Variants in ERBIN observed in about 807,000 individuals in gnomAD.
ERBIN encodes the protein densin-180-like protein.
Under a neutral mutation model 158.4 loss-of-function variants are expected in ERBIN, and 60 were observed. That is an observed-to-expected ratio of 0.38 (90% CI 0.31 to 0.47). The LOEUF is 0.47. Among genes scored for constraint, ERBIN ranks in the 20% least tolerant of loss-of-function variants. The pLI is 0.99. For synonymous variants in ERBIN, 594 were observed against 557.2 expected, an observed-to-expected ratio of 1.07 and a Z score of -0.93; for missense variants, 1,610 against 1,648.0, an observed-to-expected ratio of 0.98 and a Z score of 0.40.
chr5:65,992,633 G>A, intron 2 of ERBIN, 77 bp from the exon 3 acceptor site: 1 of 1,077,714 alleles, frequency 9.3e-7, no homozygotes, highest in Non-Finnish European at 1.3e-6. Flanking sequence ...TATGAATTGT[G>A]ATAGATTGGA....
intron 4 of ERBIN, 142 bp downstream of exon 4, chr5:65,995,006 G>A: frequency 1.7e-6 from 1 of 592,994 alleles, no homozygotes; most frequent in Non-Finnish European, 2.9e-6. Flanking sequence ...AATGTTTTAT[G>A]TAAAGATAGT....
At chr5:66,046,289 C>A (rs1758431712) in intron 17 of ERBIN, 64 bp from the exon 18 acceptor site, 1 of 1,008,822 alleles carries the variant, frequency 9.9e-7, no homozygotes, top group Non-Finnish European at 1.4e-6. Flanking sequence ...AAATTTTTAT[C>A]TGAACTTTTA....
At chr5:66,033,061 C>G (rs941531962) in intron 14 of ERBIN, among the ~76,000 whole-genome samples, 2 of 152,158 alleles carry the variant, frequency 1.3e-5, no homozygotes, top group African/African-American at 4.8e-5. Flanking sequence ...ACTTCATTTT[C>G]TTCTGTATGG....
intron 2 of ERBIN, among the ~76,000 whole-genome samples, chr5:65,989,537 A>C (rs1221659130): frequency 6.6e-6 from 1 of 152,180 alleles, no homozygotes; most frequent in Non-Finnish European, 1.5e-5. Flanking sequence ...CCTTTCAGAG[A>C]AGTTCTGCAA....
chr5:66,064,332 G>A (rs1760771955), intron 21 of ERBIN, among the ~76,000 whole-genome samples: 2 of 152,188 alleles, frequency 1.3e-5, no homozygotes, highest in Non-Finnish European at 2.9e-5. Context: ...ATGAATATTA[G>A]AAAGTCATAA....
chr5:66,054,427 C>A lies in ERBIN; in HGVS notation c.3109C>A (p.Arg1037=). Residue 1037 remains arginine, a synonymous_variant, in exon 21 of 26, where the codon CGA becomes AGA. Transcript: ENST00000284037. ...GAATTTCTCTAATCATAACAATGTT[C>A]GAGCTAATACTGCATACCATTTACA... The part of the protein sequence containing the change: ...NMNFSNHNNV[R]ANTAYHLHQR... The A allele has an allele frequency of 6.2e-7, 1 of 1,614,134 alleles. No homozygotes were observed. The highest frequency in any genetic ancestry group is 1.1e-5 in the South Asian group (1 of 91,052).
At position 66,026,483 on chromosome 5, in the gene ERBIN, A is replaced by G. The variant is rs565758180; in HGVS notation, c.1136+66A>G. On this transcript the variant is annotated intron_variant, in intron 13 of 25. Coordinates refer to ENST00000284037, the MANE Select transcript of ERBIN (RefSeq NM_001253697.2). ...TTGGTTAGATGAAATTAAGTTTCAT[A>G]TGATATATAATAGAATAGCTAGTGC... 60 of 791,952 alleles carry G rather than the reference A, an allele frequency of 7.6e-5. No individual in the cohort carries two copies. The South Asian group carries it at 1.1e-3, about 15-fold the overall frequency. The allele number at this position is 791,952 out of a possible 1,614,324, so 49.1% of individuals were successfully genotyped here.
intron 16 of ERBIN, among the ~76,000 whole-genome samples, 184 bp downstream of exon 16, chr5:66,043,382 C>T (rs1236719392): frequency 2.0e-5 from 3 of 152,016 alleles, no homozygotes; most frequent in African/African-American, 7.2e-5. Context: ...CAATATAAAA[C>T]TATGTGATTT....
At chr5:66,071,560 G>A (rs1211737191) in intron 21 of ERBIN, among the ~76,000 whole-genome samples, 1 of 151,924 alleles carries the variant, frequency 6.6e-6, no homozygotes, top group Non-Finnish European at 1.5e-5. Flanking sequence ...ATATCAATGT[G>A]GCAGAATTAA....
In ERBIN at chr5:66,054,043, AAT is replaced by A. The variant is rs1360167072; in HGVS notation, c.2729_2730del (p.Ile910SerfsTer11). On this transcript the variant is annotated frameshift_variant, in exon 21 of 26. Transcript: ENST00000284037. LOFTEE classifies it high-confidence loss of function. ...VKITSAVDGK[N>X]IVRSKSATLL... is the part of the protein sequence containing the mutation. ...AATCACATCTGCTGTTGATGGAAAA[AAT>A]ATAGTCAGGAGCAAGTCTGCCACAC... The A allele has an allele frequency of 1.2e-6, 2 of 1,614,176 alleles. No homozygotes were observed. The highest frequency in any genetic ancestry group is 1.7e-6 in the Non-Finnish European group (2 of 1,180,030).
intron 1 of ERBIN, among the ~76,000 whole-genome samples, chr5:65,933,927 G>A (rs967045238): frequency 3.3e-5 from 5 of 151,894 alleles, no homozygotes; most frequent in African/African-American, 1.2e-4. Context: ...TTATTTGAGA[G>A]CTCTGTCGCC....
At chr5:66,034,826 A>C (rs1757232123) in intron 14 of ERBIN, among the ~76,000 whole-genome samples, 2 of 152,210 alleles carry the variant, frequency 1.3e-5, no homozygotes, top group South Asian at 4.1e-4. Context: ...TAGTTTTGCC[A>C]AGACAGGTGC....
rs534210335 is a variant in ERBIN, at chr5:66,017,966, G to A, written c.533+3241G>A. Reference sequence around the variant, plus strand: ...GTCTTTTCCCCATTTTATCTTCTTGGCGCCTTTTTCTAGGATGACTTGGCT... The same window carrying A: ...GTCTTTTCCCCATTTTATCTTCTTGACGCCTTTTTCTAGGATGACTTGGCT... On this transcript the variant is annotated intron_variant, in intron 7 of 25. Transcript: ENST00000284037. Among the ~76,000 whole-genome samples the A allele has an allele frequency of 1.2e-4, 18 of 151,874 alleles. No homozygotes were observed. The South Asian group carries it at 3.5e-3, about 30-fold the overall frequency.
Position 66,072,279 on chromosome 5 carries a change from C to G in ERBIN, c.3744C>G (p.Asp1248Glu). ...ATLSHKDVPPDSLMKMPLSNG... is the reference protein window; with the variant it reads ...ATLSHKDVPPESLMKMPLSNG... ...TTAGTCACAAAGATGTTCCTCCAGACAGCTTGATGAAAGTGGGTGCTCGGG... is the reference window on the plus strand; with the variant it reads ...TTAGTCACAAAGATGTTCCTCCAGAGAGCTTGATGAAAGTGGGTGCTCGGG... Residue 1248 changes from aspartate (D) to glutamate (E), a missense_variant, in exon 22 of 26, where the codon GAC becomes GAG. Physicochemically the swap from Asp to Glu is conservative, Grantham distance 45. Transcript: ENST00000284037. 6.5e-7 allele frequency: 1 copy of G among 1,550,102 alleles called. No individual in the cohort carries two copies. Among genetic ancestry groups the G allele is most frequent in the African/African-American group, 1.4e-5 (1 of 73,156 alleles).
At chr5:65,964,906 AT>A (rs1203832313) in intron 1 of ERBIN, among the ~76,000 whole-genome samples, 3 of 67,058 alleles carry the variant, frequency 4.5e-5, no homozygotes, top group African/African-American at 2.5e-4. Context: ...CGCCTGGCTG[AT>A]TTGTGTGTGT....
rs756187283 is a variant in ERBIN at position 66,046,408 on chromosome 5, T to A, written c.1658T>A (p.Met553Lys). ...AAAGTTGATGAAAGAGAAAAATATA[T>A]GATAGGAAACTCTGTACAGAAGATC... ...KSKVDEREKYMIGNSVQKISE... is the reference protein window; with the variant it reads ...KSKVDEREKYKIGNSVQKISE... The change falls in exon 18 of 26, where the codon ATG becomes AAG. Residue 553 changes from methionine (M) to lysine (K), a missense_variant. Transcript: ENST00000284037. 6.2e-7 allele frequency: 1 copy of A among 1,605,446 alleles called. No individual in the cohort carries two copies. Among genetic ancestry groups the A allele is most frequent in the South Asian group, 1.1e-5 (1 of 89,524 alleles).
chr5:66,011,144 T>C (rs957449558), intron 4 of ERBIN, among the ~76,000 whole-genome samples: 2 of 152,208 alleles, frequency 1.3e-5, no homozygotes, highest in Non-Finnish European at 2.9e-5. Flanking sequence ...GCAGTTATCA[T>C]ATTTTTAGCA....
At chr5:65,973,062 A>G (rs765520849) in intron 1 of ERBIN, among the ~76,000 whole-genome samples, 1 of 151,326 alleles carries the variant, frequency 6.6e-6, no homozygotes, top group Non-Finnish European at 1.5e-5. Flanking sequence ...CATATACACC[A>G]TGGAATACTA....
intron 1 of ERBIN, among the ~76,000 whole-genome samples, chr5:65,939,558 C>T (rs908147455): frequency 6.6e-6 from 1 of 152,072 alleles, no homozygotes; most frequent in Admixed American, 6.5e-5. Flanking sequence ...CCCACGGTCT[C>T]CCTCTCCCTC....
Sources: gnomAD v4.1 joint callset for allele counts (sites outside exome capture counted in the v4.1 genomes callset) on GRCh38, gnomAD v4.1.1 for gene constraint, MANE v1.5 for transcripts, NCBI Gene and HGNC (gene_info 2026-07-23, HGNC 2026-07-21) for gene names.